The following RASEF variants were observed in gnomAD, a reference collection of about 807,000 sequenced individuals.
RASEF encodes the protein RAS and EF-hand domain containing, also known as ras and EF-hand domain-containing protein.
A neutral mutation model predicts 90.1 loss-of-function variants in RASEF; 68 were observed. The ratio of observed to expected loss-of-function variants is 0.75; its 90% CI spans 0.62 to 0.92. The LOEUF (loss-of-function observed/expected upper bound fraction) is 0.92. RASEF is among the 40% of genes least tolerant of loss of function. The pLI is 0.00. For missense variants in RASEF, 949 were observed against 937.2 expected, an observed-to-expected ratio of 1.01 and a Z score of -0.16; for synonymous variants, 331 against 345.2, an observed-to-expected ratio of 0.96 and a Z score of 0.46.
chr9:83,165,375 C>G, the RASEF span, among the ~76,000 whole-genome samples: 3 of 152,042 alleles, frequency 2.0e-5, no homozygotes, highest in African/African-American at 7.2e-5. Flanking sequence ...TCCCAAGTCT[C>G]AGAGATTGCA....
the RASEF span, among the ~76,000 whole-genome samples, chr9:83,143,646 C>CA: frequency 2.0e-5 from 3 of 151,824 alleles, no homozygotes; most frequent in Non-Finnish European, 4.4e-5. Context: ...ATTAAAAAGT[C>CA]AAAAAAACAA....
chr9:83,078,841 T>TATGTCTTCTTTTGAGAA, the RASEF span, among the ~76,000 whole-genome samples: 4 of 152,194 alleles, frequency 2.6e-5, no homozygotes, highest in East Asian at 7.7e-4. Flanking sequence ...TGGCCACATA[T>TATGTCTTCTTTTGAGAA]ATGTCTTCTT....
chr9:83,034,078 G>A (rs1340688825), intron 1 of RASEF, among the ~76,000 whole-genome samples: 1 of 152,174 alleles, frequency 6.6e-6, no homozygotes, highest in East Asian at 1.9e-4. Flanking sequence ...GCCAAATCCA[G>A]CTATGCTACT....
chr9:83,057,838 CATATATACATATAT>C (rs1382653072), intron 1 of RASEF, among the ~76,000 whole-genome samples: 1 of 84,206 alleles, frequency 1.2e-5, no homozygotes, highest in Non-Finnish European at 2.3e-5. Context: ...TACATATATT[CATATATACATATAT>C]ATATATATAT....
At chr9:82,993,163 C>T (rs1410631113) in intron 14 of RASEF, 138 bp from the exon 15 acceptor site, 2 of 796,130 alleles carry the variant, frequency 2.5e-6, no homozygotes, top group African/African-American at 1.8e-5. Context: ...TATCTTTAAA[C>T]CTCAAAGTAT....
At chr9:83,176,151 C>T in the RASEF span, among the ~76,000 whole-genome samples, 1 of 152,162 alleles carries the variant, frequency 6.6e-6, no homozygotes, top group Non-Finnish European at 1.5e-5. Context: ...CACTTCAGAT[C>T]TGCTGGATTC....
rs758020447 is a variant in RASEF at position 83,022,374 on chromosome 9, G to C, written c.631C>G (p.Gln211Glu). 6.2e-7 allele frequency: 1 copy of C among 1,614,032 alleles called. No homozygotes were observed. The highest frequency in any genetic ancestry group is 1.1e-5 in the South Asian group (1 of 91,072). Residue 211 changes from glutamine (Q) to glutamate (E), a missense_variant, in exon 3 of 17, where the codon CAG becomes GAG. By Grantham distance (29) the Gln-to-Glu change is conservative. Coordinates refer to ENST00000376447, the MANE Select transcript of RASEF (RefSeq NM_152573.4). ...QLSELEEEMD[Q>E]RIQAAEHKTR... The stretch of plus-strand genomic sequence containing the variant: ...TTATGTTCTGCAGCCTGAATCCTCT[G>C]ATCCATTTCCTCTTCCAACTCACTC...
At chr9:83,183,320 A>G in the RASEF span, among the ~76,000 whole-genome samples, 6 of 152,110 alleles carry the variant, frequency 3.9e-5, no homozygotes, top group South Asian at 1.2e-3. Context: ...CAAAATTCCT[A>G]CATACTCTGT....
chr9:83,053,282 C>A (rs1830051371), intron 1 of RASEF, among the ~76,000 whole-genome samples: 1 of 73,588 alleles, frequency 1.4e-5, no homozygotes, highest in Non-Finnish European at 2.4e-5. Flanking sequence ...TGAATTGATC[C>A]CTTTACCATT....
the RASEF span, among the ~76,000 whole-genome samples, chr9:83,140,454 G>T: frequency 2.0e-5 from 3 of 152,304 alleles, no homozygotes; most frequent in African/African-American, 7.2e-5. Context: ...GAGTAGCATT[G>T]AATGGGATAA....
intron 6 of RASEF, among the ~76,000 whole-genome samples, chr9:83,008,416 AC>A (rs1190738236): frequency 6.6e-6 from 1 of 151,744 alleles, no homozygotes; most frequent in Non-Finnish European, 1.5e-5. Context: ...CTGTGGTCTG[AC>A]CACCTTTCCC....
At chr9:83,013,333 C>A (rs189566737) in intron 4 of RASEF, among the ~76,000 whole-genome samples, 2 of 152,178 alleles carry the variant, frequency 1.3e-5, no homozygotes, top group African/African-American at 4.8e-5. Flanking sequence ...CCACATTTCA[C>A]GAAGTCTAAG....
rs556440382 is a variant in RASEF at position 82,990,293 on chromosome 9, G to A, written c.2117+98C>T. On this transcript the variant is annotated intron_variant, in intron 16 of 16. Coordinates refer to ENST00000376447, the MANE Select transcript of RASEF (RefSeq NM_152573.4). Reference sequence around the variant, plus strand: ...CACCATGACTGACAGATAAGAGAGTGTTTTCCCGCATATATTCTATCTGCA... The same window carrying A: ...CACCATGACTGACAGATAAGAGAGTATTTTCCCGCATATATTCTATCTGCA... The A allele has an allele frequency of 4.6e-4, 360 of 785,302 alleles. 1 individual carries two copies. The African/African-American group carries it at 5.8e-3, about 13-fold the overall frequency. 48.6% of individuals were successfully genotyped at this position (785,302 alleles called of 1,614,324 possible).
chr9:83,113,755 T>C, the RASEF span, among the ~76,000 whole-genome samples: 1 of 152,186 alleles, frequency 6.6e-6, no homozygotes, highest in East Asian at 1.9e-4. Flanking sequence ...TAAATTCTAG[T>C]CAGACCGGTT....
chr9:83,130,106 T>C, the RASEF span, among the ~76,000 whole-genome samples: 1 of 152,228 alleles, frequency 6.6e-6, no homozygotes, highest in Non-Finnish European at 1.5e-5. Context: ...TGCTCAGAGA[T>C]GACATTCTTT....
chr9:83,085,955 G>T, the RASEF span, among the ~76,000 whole-genome samples: 1 of 151,988 alleles, frequency 6.6e-6, no homozygotes, highest in African/African-American at 2.4e-5. Context: ...AATAAAAAAA[G>T]TTACAAATCT....
chr9:82,999,490 A>G (rs1297688248), intron 12 of RASEF, among the ~76,000 whole-genome samples: 2 of 152,118 alleles, frequency 1.3e-5, no homozygotes, highest in African/African-American at 4.8e-5. Context: ...TATCGTTTGT[A>G]CCTACAACAG....
the RASEF span, among the ~76,000 whole-genome samples, chr9:83,109,170 G>A: frequency 3.9e-5 from 6 of 152,194 alleles, no homozygotes; most frequent in South Asian, 4.1e-4. Flanking sequence ...TTTACAGCAG[G>A]GCTATGCCTA....
At chr9:83,158,653 TATATACATATATGTATATATTTATGTAC>T in the RASEF span, among the ~76,000 whole-genome samples, 258 of 9,774 alleles carry the variant, frequency 0.026, 1 homozygote, top group Non-Finnish European at 0.042. Context: ...TATGTCCAAA[TATATACATATATGTATATATTTATGTAC>T]ATATACATAT....
Sources: gnomAD v4.1 joint callset for allele counts (sites outside exome capture counted in the v4.1 genomes callset) on GRCh38, gnomAD v4.1.1 for gene constraint, MANE v1.5 for transcripts, NCBI Gene and HGNC (gene_info 2026-07-23, HGNC 2026-07-21) for gene names.